Variants in ITGA9 observed in about 807,000 individuals in gnomAD.
The protein encoded by ITGA9 is integrin subunit alpha 9.
Under a neutral mutation model 127.8 loss-of-function variants are expected in ITGA9, and 56 were observed. The ratio of observed to expected loss-of-function variants is 0.44; its 90% confidence interval spans 0.35 to 0.55. The LOEUF is 0.55. Among genes scored for constraint, ITGA9 ranks in the 20% least tolerant of loss-of-function variants. ITGA9 has a pLI of 0.00. For missense variants in ITGA9, 1,196 were observed against 1,347.1 expected (o/e 0.89, Z 1.76); for synonymous variants, 508 against 514.5 (o/e 0.99, Z 0.17).
intron 23 of ITGA9, among the ~76,000 whole-genome samples, chr3:37,765,948 C>T (rs557005860): frequency 1.3e-5 from 2 of 152,320 alleles, no homozygotes; most frequent in African/African-American, 2.4e-5. Flanking sequence ...AATGCCGATG[C>T]GTAGGTGCCT....
intron 19 of ITGA9, among the ~76,000 whole-genome samples, chr3:37,733,714 C>G (rs1696325348): frequency 6.6e-6 from 1 of 151,796 alleles, no homozygotes; most frequent in Non-Finnish European, 1.5e-5. Context: ...CCCATAAGCC[C>G]CATTGAATGC....
chr3:37,780,901 C>T (rs1696969079), intron 25 of ITGA9, among the ~76,000 whole-genome samples: 1 of 152,152 alleles, frequency 6.6e-6, no homozygotes, highest in Admixed American at 6.5e-5. Context: ...ACTTTTCCAG[C>T]AAGTGCCATT....
chr3:37,640,759 G>T (rs1253413044), intron 16 of ITGA9, among the ~76,000 whole-genome samples: 1 of 152,244 alleles, frequency 6.6e-6, no homozygotes, highest in Non-Finnish European at 1.5e-5. Context: ...AGCACAGGCT[G>T]TGCAGTGAGA....
intron 17 of ITGA9, among the ~76,000 whole-genome samples, chr3:37,663,996 CTG>C (rs1700561557): frequency 6.6e-6 from 1 of 152,218 alleles, no homozygotes; most frequent in South Asian, 2.1e-4. Flanking sequence ...CTCAACAACA[CTG>C]AGAATAAATA....
At chr3:37,707,081 A>T (rs935187249) in intron 18 of ITGA9, among the ~76,000 whole-genome samples, 1 of 152,348 alleles carries the variant, frequency 6.6e-6, no homozygotes, top group East Asian at 1.9e-4. Context: ...CCTATACTAT[A>T]CAAGAAGTTA....
intron 23 of ITGA9, among the ~76,000 whole-genome samples, chr3:37,751,259 T>C (rs1001015761): frequency 5.9e-5 from 9 of 152,220 alleles, no homozygotes; most frequent in Admixed American, 3.3e-4. Context: ...TCCAGTTCCA[T>C]GGCATCCCCT....
intron 10 of ITGA9, among the ~76,000 whole-genome samples, chr3:37,517,837 C>T (rs922222520): frequency 9.9e-5 from 15 of 152,262 alleles, no homozygotes; most frequent in Admixed American, 9.8e-4. Context: ...TTTGCCTCTG[C>T]ATAATCCCTT....
intron 5 of ITGA9, among the ~76,000 whole-genome samples, chr3:37,494,827 G>A (rs895350048): frequency 5.3e-5 from 8 of 152,168 alleles, no homozygotes; most frequent in African/African-American, 1.9e-4. Context: ...GTAGGAGTCT[G>A]CTTGACTCTG....
chr3:37,744,962 A>G (rs1394797540), intron 22 of ITGA9, among the ~76,000 whole-genome samples: 1 of 152,200 alleles, frequency 6.6e-6, no homozygotes, highest in African/African-American at 2.4e-5. Context: ...AGATGGGCCC[A>G]ACTCACCCAT....
intron 22 of ITGA9, chr3:37,749,509 A>G (rs1421825170): frequency 6.6e-6 from 1 of 152,048 alleles, no homozygotes; most frequent in African/African-American, 2.4e-5. Context: ...CCGCTAATCT[A>G]CTTTCTGTCT....
At chr3:37,467,225 C>G (rs2125550971) in intron 1 of ITGA9, among the ~76,000 whole-genome samples, 1 of 152,292 alleles carries the variant, frequency 6.6e-6, no homozygotes, top group South Asian at 2.1e-4. Flanking sequence ...CCCCTTATCT[C>G]TAGCCTGATT....
chr3:37,492,274 G>A (rs1314605419), intron 4 of ITGA9, among the ~76,000 whole-genome samples: 1 of 152,208 alleles, frequency 6.6e-6, no homozygotes, highest in Non-Finnish European at 1.5e-5. Context: ...TAGACTTTGG[G>A]TTTCAGAAAC....
intron 8 of ITGA9, among the ~76,000 whole-genome samples, 177 bp from the exon 9 acceptor site, chr3:37,513,586 C>T (rs953684920): frequency 1.3e-5 from 2 of 150,186 alleles, no homozygotes; most frequent in Non-Finnish European, 3.0e-5. Flanking sequence ...TCCCTCCCCC[C>T]TCCCCCAACC....
intron 19 of ITGA9, among the ~76,000 whole-genome samples, chr3:37,735,294 C>T (rs558646587): frequency 4.6e-5 from 7 of 152,334 alleles, no homozygotes; most frequent in Admixed American, 3.3e-4. Flanking sequence ...CTCTCTCTTC[C>T]TTCTTGTCCT....
At chr3:37,616,536 C>G (rs1267650818) in intron 15 of ITGA9, among the ~76,000 whole-genome samples, 1 of 152,134 alleles carries the variant, frequency 6.6e-6, no homozygotes, top group Non-Finnish European at 1.5e-5. Context: ...CTTTCTGTCT[C>G]GTTGATCTGT....
chr3:37,514,815 T>A (rs1698967439), intron 9 of ITGA9, among the ~76,000 whole-genome samples: 1 of 152,180 alleles, frequency 6.6e-6, no homozygotes, highest in South Asian at 2.1e-4. Context: ...TCAAGTGATC[T>A]GCCCTACTTG....
intron 18 of ITGA9, among the ~76,000 whole-genome samples, chr3:37,721,513 G>A (rs1216604884): frequency 1.3e-5 from 2 of 152,282 alleles, no homozygotes; most frequent in Non-Finnish European, 2.9e-5. Flanking sequence ...GCTTTTGCTT[G>A]TTTCACTTTT....
In ITGA9 at chr3:37,597,867, G is replaced by T. The variant is rs1277094757; in HGVS notation, c.1690-31320G>T. Among the ~76,000 whole-genome samples, 1 of 152,156 alleles carries T rather than the reference G, an allele frequency of 6.6e-6. No homozygotes were observed. Among genetic ancestry groups the T allele is most frequent in the Non-Finnish European group, 1.5e-5 (1 of 68,028 alleles). Reference sequence around the variant, plus strand: ...GGTTATCTAGACTGGCATTGGCTGGGGTGACTGGGGCAACTCAGCACCGCT... The same window carrying T: ...GGTTATCTAGACTGGCATTGGCTGGTGTGACTGGGGCAACTCAGCACCGCT... On this transcript the variant is annotated intron_variant, in intron 15 of 27. Coordinates refer to ENST00000264741, the MANE Select transcript of ITGA9 (RefSeq NM_002207.3). This position sits in a 1 kb window ranked among gnomAD's most constrained non-coding sequence, Gnocchi z 4.6.
intron 16 of ITGA9, among the ~76,000 whole-genome samples, chr3:37,643,913 C>T (rs1198207028): frequency 2.6e-5 from 4 of 152,114 alleles, no homozygotes; most frequent in East Asian, 3.8e-4. Flanking sequence ...CTTTTAGAAA[C>T]GTGGCTGGCA....
Sources: allele counts gnomAD v4.1 joint callset (sites outside exome capture counted in the v4.1 genomes callset), GRCh38; gene constraint gnomAD v4.1.1; non-coding constraint Gnocchi (gnomAD v3.1); transcripts MANE v1.5; gene names NCBI Gene and HGNC (gene_info 2026-07-23, HGNC 2026-07-21).